Variants in ANKRD12 observed in about 807,000 individuals in gnomAD.
ANKRD12 encodes the protein ankyrin repeat domain 12.
In ANKRD12, 85 loss-of-function variants were observed where a neutral mutation model predicts 183.4. The ratio of observed to expected loss-of-function variants is 0.46; its 90% CI spans 0.39 to 0.56. ANKRD12 has a LOEUF of 0.56. ANKRD12 is among the 20% of genes least tolerant of loss of function. The pLI is 0.00. For synonymous variants in ANKRD12, 914 were observed against 800.2 expected, an observed-to-expected ratio of 1.14 and a Z score of -2.40; for missense variants, 2,405 against 2,357.1, an observed-to-expected ratio of 1.02 and a Z score of -0.42.
chr18:9,255,349 A>G lies in ANKRD12; in HGVS notation c.2082A>G (p.Glu694=). The change falls in exon 9 of 13, where the codon GAA becomes GAG. Residue 694 remains glutamate (E), a synonymous_variant. Coordinates refer to ENST00000262126, the MANE Select transcript of ANKRD12 (RefSeq NM_015208.5). ...ELQRSVEFDR[E]FWKENFFKSD... ...AGAGGAGTGTGGAATTTGATAGAGA[A>G]TTTTGGAAAGAGAATTTTTTTAAAA... is the stretch of plus-strand genomic sequence containing the variant. 6.2e-7 allele frequency: 1 copy of G among 1,608,750 alleles called. No individual in the cohort carries two copies.
Position 9,281,124 on chromosome 18 carries a change from T to C in ANKRD12, c.6187T>C (p.Ter2063GlnextTer13). ...CGACGACTTTGAATTGACTCCTATA[T>C]AGCAGTCAGTACTTCCTGATGGTAT... ...VNDDFELTPI[*>Q] is the part of the protein sequence containing the mutation. The change falls in exon 13 of 13, where the codon TAG becomes CAG. Residue 2063 changes from the stop codon to glutamine (Q), a stop_lost. Transcript: ENST00000262126. The C allele has an allele frequency of 6.2e-7, 1 of 1,612,288 alleles. No individual in the cohort carries two copies.
At position 9,243,134 on chromosome 18, in the gene ANKRD12, G is replaced by T. The variant is rs541550026; in HGVS notation, c.944-11077G>T. On this transcript the variant is annotated intron_variant, in intron 8 of 12. Coordinates refer to ENST00000262126, the MANE Select transcript of ANKRD12 (RefSeq NM_015208.5). Reference sequence around the variant, plus strand: ...GTGCAGGTGCATTTTTCTGTTACTTGTTTAGGCAACATAAATAACAGTTAC... The same window carrying T: ...GTGCAGGTGCATTTTTCTGTTACTTTTTTAGGCAACATAAATAACAGTTAC... Among the ~76,000 whole-genome samples the T allele has an allele frequency of 7.2e-5, 11 of 152,274 alleles. No individual in the cohort carries two copies. The South Asian group carries it at 2.3e-3, about 32-fold the overall frequency.
intron 1 of ANKRD12, among the ~76,000 whole-genome samples, chr18:9,144,982 A>G (rs1173676921): frequency 6.8e-6 from 1 of 148,098 alleles, no homozygotes; most frequent in African/African-American, 2.4e-5. Context: ...TACAAGGAGT[A>G]AAAAGTGAAA....
intron 1 of ANKRD12, chr18:9,137,754 A>G (rs1194475970): frequency 6.6e-6 from 1 of 152,232 alleles, no homozygotes; most frequent in Non-Finnish European, 1.5e-5. Flanking sequence ...TCAAGTACCC[A>G]CTTGTGATGC....
intron 3 of ANKRD12, among the ~76,000 whole-genome samples, chr18:9,200,083 A>G (rs1241458729): frequency 6.6e-6 from 1 of 152,208 alleles, no homozygotes; most frequent in East Asian, 1.9e-4. Flanking sequence ...TGAATGAGAG[A>G]TTCCTAGCCT....
chr18:9,277,480 A>G (rs1011043852), intron 11 of ANKRD12, among the ~76,000 whole-genome samples: 4 of 151,416 alleles, frequency 2.6e-5, no homozygotes, highest in African/African-American at 4.9e-5. Context: ...GGCGCCCGCC[A>G]CCACACCCGG....
intron 3 of ANKRD12, chr18:9,200,611 C>T (rs9304033): frequency 0.56 from 84,565 of 151,570 alleles, 24,736 homozygotes; most frequent in South Asian, 0.75. Flanking sequence ...CCCTAAGCCC[C>T]CTACGAGCAC....
chr18:9,268,139 GA>G (rs1390908995), intron 10 of ANKRD12, among the ~76,000 whole-genome samples: 1 of 151,786 alleles, frequency 6.6e-6, no homozygotes, highest in African/African-American at 2.4e-5. Context: ...GCTTACCAAC[GA>G]AAAAAAGTCC....
In ANKRD12 at chr18:9,148,877, G is replaced by T. The variant is rs143197826; in HGVS notation, c.-52+11912G>T. Among the ~76,000 whole-genome samples the T allele has an allele frequency of 6.2e-3, 948 of 152,180 alleles. 10 individuals are homozygous for T. Among genetic ancestry groups the T allele is most frequent in the African/African-American group, 0.021 (889 of 41,510 alleles). ...AAGAACAGACTACACAATGACAAGG[G>T]GCTTCATGATGAGATCCCTTCCTGC... On this transcript the variant is annotated intron_variant, in intron 1 of 12. Transcript: ENST00000262126.
intron 1 of ANKRD12, among the ~76,000 whole-genome samples, chr18:9,158,776 G>C (rs1297227413): frequency 6.6e-6 from 1 of 152,114 alleles, no homozygotes; most frequent in Non-Finnish European, 1.5e-5. Flanking sequence ...CTAGAGAGGA[G>C]ATGTCTGCAT....
chr18:9,191,665 C>A (rs958007815), intron 2 of ANKRD12, among the ~76,000 whole-genome samples: 1 of 152,118 alleles, frequency 6.6e-6, no homozygotes, highest in Admixed American at 6.5e-5. Flanking sequence ...ATTTCTGTTG[C>A]TTTGACTTCT....
intron 1 of ANKRD12, among the ~76,000 whole-genome samples, chr18:9,170,265 G>T (rs1454658897): frequency 2.6e-5 from 4 of 152,180 alleles, no homozygotes; most frequent in African/African-American, 9.7e-5. Context: ...GGCCTGCCTT[G>T]CTAGATTGGG....
chr18:9,196,144 CACACACAT>C (rs1176754533), intron 3 of ANKRD12, among the ~76,000 whole-genome samples: 35 of 129,424 alleles, frequency 2.7e-4, no homozygotes, highest in African/African-American at 9.0e-4. Flanking sequence ...CACACACACA[CACACACAT>C]TGAGGCTAAC....
Position 9,255,786 on chromosome 18 carries a change from C to A in ANKRD12, c.2519C>A (p.Thr840Asn), listed in dbSNP as rs72939232. The A allele has an allele frequency of 0.079, 124,467 of 1,571,500 alleles. 5,217 individuals carry two copies. Among genetic ancestry groups the A allele is most frequent in the Non-Finnish European group, 0.084 (98,236 of 1,167,542 alleles). The change falls in exon 9 of 13, where the codon ACC (threonine) becomes AAC (asparagine). Residue 840 changes from threonine (T) to asparagine (N), a missense_variant. Coordinates refer to ENST00000262126, the MANE Select transcript of ANKRD12 (RefSeq NM_015208.5). ...EKDIEKMERK[T>N]FEKEKKIKHE... ...GACATTGAGAAGATGGAAAGAAAAA[C>A]CTTTGAAAAAGAAAAGAAGATAAAA...
chr18:9,237,875 A>G (rs553642639), intron 8 of ANKRD12, among the ~76,000 whole-genome samples: 1 of 152,128 alleles, frequency 6.6e-6, no homozygotes, highest in Non-Finnish European at 1.5e-5. Flanking sequence ...TTTTACACAT[A>G]TATTTACAAG....
chr18:9,203,519 A>G (rs2035297925), intron 3 of ANKRD12, among the ~76,000 whole-genome samples: 1 of 152,188 alleles, frequency 6.6e-6, no homozygotes, highest in East Asian at 1.9e-4. Context: ...CATATTGCCA[A>G]AGTCAATTGT....
intron 8 of ANKRD12, among the ~76,000 whole-genome samples, chr18:9,237,099 A>G (rs2037391149): frequency 6.6e-6 from 1 of 152,190 alleles, no homozygotes; most frequent in African/African-American, 2.4e-5. Flanking sequence ...TAAACCAACA[A>G]CTTATGAAGT....
intron 1 of ANKRD12, among the ~76,000 whole-genome samples, chr18:9,176,596 T>G (rs1598462111): frequency 6.6e-6 from 1 of 151,800 alleles, no homozygotes; most frequent in Non-Finnish European, 1.5e-5. Flanking sequence ...CAGCCCAAAC[T>G]CGGTTCTTAA....
intron 10 of ANKRD12, among the ~76,000 whole-genome samples, chr18:9,269,470 T>C (rs1409427231): frequency 2.0e-5 from 3 of 152,082 alleles, no homozygotes; most frequent in African/African-American, 4.8e-5. Context: ...GTGCCACATA[T>C]CTACAACCAT....
Sources: gnomAD v4.1 joint callset for allele counts (sites outside exome capture counted in the v4.1 genomes callset) on GRCh38, gnomAD v4.1.1 for gene constraint, MANE v1.5 for transcripts, NCBI Gene and HGNC (gene_info 2026-07-23, HGNC 2026-07-21) for gene names.